CCDC91: variants seen among roughly 807,000 people sequenced by gnomAD.
CCDC91 encodes coiled-coil domain containing 91, also known as coiled-coil domain-containing protein 91.
Under a neutral mutation model 63.2 loss-of-function variants are expected in CCDC91, and 48 were observed. The observed-to-expected ratio is 0.76, with a 90% CI of 0.60 to 0.97. The LOEUF (loss-of-function observed/expected upper bound fraction) is 0.97. CCDC91 is among the 50% of genes least tolerant of loss of function. CCDC91 has a pLI of 0.00. For missense variants in CCDC91, 500 were observed against 494.6 expected (o/e 1.01, Z -0.10); for synonymous variants, 167 against 165.8 (o/e 1.01, Z -0.06).
intron 6 of CCDC91, among the ~76,000 whole-genome samples, chr12:28,352,523 A>T (rs1360241535): frequency 6.6e-6 from 1 of 152,180 alleles, no homozygotes; most frequent in South Asian, 2.1e-4. Flanking sequence ...CCAGAAGTAG[A>T]TTCCATCTCA....
At chr12:28,230,913 C>T (rs1460062883) in intron 1 of CCDC91, among the ~76,000 whole-genome samples, 1 of 152,220 alleles carries the variant, frequency 6.6e-6, no homozygotes, top group Non-Finnish European at 1.5e-5. Context: ...GCATGAGCCA[C>T]TGTACCTGGC....
intron 12 of CCDC91, among the ~76,000 whole-genome samples, chr12:28,530,237 T>C (rs1035805062): frequency 5.9e-5 from 9 of 152,224 alleles, no homozygotes; most frequent in African/African-American, 2.4e-5. Flanking sequence ...TTTTTCTCTC[T>C]GAAAACACTC....
intron 1 of CCDC91, among the ~76,000 whole-genome samples, chr12:28,193,135 C>T (rs1296653074): frequency 3.3e-5 from 5 of 152,104 alleles, no homozygotes; most frequent in African/African-American, 7.2e-5. Context: ...TATGTTTATT[C>T]GCCATTTGAT....
intron 8 of CCDC91, among the ~76,000 whole-genome samples, chr12:28,415,423 A>G (rs1329255526): frequency 2.0e-5 from 3 of 151,958 alleles, no homozygotes; most frequent in Non-Finnish European, 2.9e-5. Context: ...GGGTTTCTCC[A>G]TGTTGAGACT....
In CCDC91 at chr12:28,190,604, G is replaced by A. The variant is rs1487421408; in HGVS notation, c.-52G>A. On this transcript the variant is annotated 5_prime_UTR_variant, in exon 1 of 13. Transcript: ENST00000536442. ...GCTCACCGGGCAGCGTGGGTGAGCG[G>A]CGCAGCGGCGGCAGCGGAGAGCGAG... 2 of 155,294 alleles carry A rather than the reference G, an allele frequency of 1.3e-5. No homozygotes were observed. Among genetic ancestry groups the A allele is most frequent in the Middle Eastern group, 3.1e-3 (1 of 326 alleles). The allele number at this position is 155,294 out of a possible 1,614,324, so 9.6% of individuals were successfully genotyped here.
intron 3 of CCDC91, among the ~76,000 whole-genome samples, chr12:28,298,793 T>TATAA (rs1297228221): frequency 6.6e-6 from 1 of 150,892 alleles, no homozygotes; most frequent in Non-Finnish European, 1.5e-5. Flanking sequence ...TATATATATA[T>TATAA]AAGAGCTTTG....
chr12:28,407,962 A>ATT lies in CCDC91; in HGVS notation c.762+16552_762+16553insTT, dbSNP rs1444613547. On this transcript the variant is annotated intron_variant, in intron 8 of 12. Transcript: ENST00000536442. ...TACATAGATATATACATATATATAT[A>ATT]TATTTTTTTTATTTTTTATTTTACT... 1.8e-5 allele frequency among the ~76,000 whole-genome samples: 2 copies of ATT among 113,234 alleles called. 1 individual carries two copies. The highest frequency in any genetic ancestry group is 3.8e-5 in the Non-Finnish European group (2 of 52,066). The allele number at this position is 113,234 out of a possible 152,430, so 74.3% of individuals were successfully genotyped here. A position where few individuals can be genotyped will look rare whatever the true frequency, so the allele number is the denominator to read the frequency against.
intron 12 of CCDC91, among the ~76,000 whole-genome samples, chr12:28,533,030 C>T (rs1284401112): frequency 6.6e-6 from 1 of 152,064 alleles, no homozygotes; most frequent in African/African-American, 2.4e-5. Flanking sequence ...CTTTATTAAA[C>T]ACCTACCAAG....
chr12:28,259,398 C>G lies in CCDC91; in HGVS notation c.65C>G (p.Thr22Ser). Reference sequence around the variant, plus strand: ...ACTTTTGATGGTGGAAGTGGTGAAACCCAAACAACATCTCCTGCTATTCCT... The same window carrying G: ...ACTTTTGATGGTGGAAGTGGTGAAAGCCAAACAACATCTCCTGCTATTCCT... ...AETFDGGSGE[T>S]QTTSPAIPWA... Residue 22 changes from threonine to serine, a missense_variant, in exon 3 of 13, where the codon ACC (threonine) becomes AGC (serine). Thr to Ser is a moderately conservative substitution (Grantham distance 58). Transcript: ENST00000536442. 6.2e-7 allele frequency: 1 copy of G among 1,611,904 alleles called. No homozygotes were observed.
At chr12:28,475,962 T>G (rs941749422) in intron 11 of CCDC91, among the ~76,000 whole-genome samples, 5 of 152,172 alleles carry the variant, frequency 3.3e-5, no homozygotes, top group South Asian at 2.1e-4. Context: ...TGTTTCATTT[T>G]GGGGGTTGCT....
At chr12:28,277,465 A>G (rs1948316582) in intron 3 of CCDC91, among the ~76,000 whole-genome samples, 2 of 152,092 alleles carry the variant, frequency 1.3e-5, no homozygotes, top group Admixed American at 1.3e-4. Flanking sequence ...TGAACATCCC[A>G]AATCCAAAAA....
chr12:28,541,954 A>G (rs1422737347), intron 12 of CCDC91, among the ~76,000 whole-genome samples: 1 of 152,132 alleles, frequency 6.6e-6, no homozygotes, highest in Non-Finnish European at 1.5e-5. Context: ...TGCAGCTACT[A>G]TACAATATTA....
At chr12:28,548,161 G>A (rs1424515994) in intron 12 of CCDC91, among the ~76,000 whole-genome samples, 6 of 151,734 alleles carry the variant, frequency 4.0e-5, no homozygotes, top group Non-Finnish European at 5.9e-5. Flanking sequence ...CTCTTGTTTC[G>A]TTTACCATAT....
At chr12:28,402,975 G>T (rs1410196686) in intron 8 of CCDC91, among the ~76,000 whole-genome samples, 1 of 152,162 alleles carries the variant, frequency 6.6e-6, no homozygotes, top group Non-Finnish European at 1.5e-5. Flanking sequence ...AACCAGATTT[G>T]CATACCTTGG....
chr12:28,406,075 G>A (rs535438878), intron 8 of CCDC91, among the ~76,000 whole-genome samples: 1 of 152,140 alleles, frequency 6.6e-6, no homozygotes, highest in African/African-American at 2.4e-5. Flanking sequence ...CTCAGCCCAG[G>A]TGACATTATT....
intron 3 of CCDC91, among the ~76,000 whole-genome samples, chr12:28,262,931 CCTCT>C (rs532965394): frequency 4.9e-4 from 75 of 151,958 alleles, no homozygotes; most frequent in Non-Finnish European, 9.1e-4. Context: ...TAAGCATTTT[CCTCT>C]CTGTTTCATA....
At chr12:28,261,232 A>G (rs1237285337) in intron 3 of CCDC91, among the ~76,000 whole-genome samples, 3 of 151,978 alleles carry the variant, frequency 2.0e-5, no homozygotes, top group Non-Finnish European at 4.4e-5. Context: ...AGACATGTAT[A>G]ATATATTTAA....
chr12:28,383,819 AATGTTTCTCCTCTAATACAACC>A (rs2139137990), intron 7 of CCDC91, among the ~76,000 whole-genome samples: 1 of 152,248 alleles, frequency 6.6e-6, no homozygotes, highest in African/African-American at 2.4e-5. Flanking sequence ...AGAGATGCTT[AATGTTTCTCCTCTAATACAACC>A]ATGTACCTCA....
intron 7 of CCDC91, among the ~76,000 whole-genome samples, chr12:28,380,635 A>C (rs1450114489): frequency 6.6e-6 from 1 of 152,066 alleles, no homozygotes; most frequent in Admixed American, 6.6e-5. Flanking sequence ...ACCTGTTCTG[A>C]TGCAGTTGAA....
Sources: gnomAD v4.1 joint callset for allele counts (sites outside exome capture counted in the v4.1 genomes callset) on GRCh38, gnomAD v4.1.1 for gene constraint, MANE v1.5 for transcripts, NCBI Gene and HGNC (gene_info 2026-07-23, HGNC 2026-07-21) for gene names.